Variants in FOCAD observed in about 807,000 individuals in gnomAD.
FOCAD encodes the protein focadhesin, also known as KIAA1797.
In FOCAD, 198 loss-of-function variants were observed where a neutral mutation model predicts 225.6. That is an observed-to-expected ratio of 0.88 (90% CI 0.78 to 0.99). The LOEUF (loss-of-function observed/expected upper bound fraction) is 0.99. Ranked by LOEUF, FOCAD falls within the 50% of genes least tolerant of loss-of-function variation. The probability of loss-of-function intolerance (pLI) is 0.00; values close to 1 mark genes in which losing one functional copy is unlikely to be tolerated. For synonymous variants in FOCAD, 897 were observed against 755.0 expected (o/e 1.19, Z -3.08); for missense variants, 2,713 against 2,123.6 (o/e 1.28, Z -5.46).
chr9:20,774,367 T>G (rs1241230329), intron 8 of FOCAD, among the ~76,000 whole-genome samples: 1 of 152,208 alleles, frequency 6.6e-6, no homozygotes, highest in Non-Finnish European at 1.5e-5. Context: ...ATGTTAGTAG[T>G]TGTTGGTACG....
At chr9:20,814,887 C>T (rs547126685) in intron 11 of FOCAD, among the ~76,000 whole-genome samples, 4 of 151,974 alleles carry the variant, frequency 2.6e-5, no homozygotes, top group South Asian at 4.1e-4. Context: ...TATACTTTTG[C>T]CTTCTAAACC....
chr9:20,819,260 C>T (rs888033627), intron 11 of FOCAD, among the ~76,000 whole-genome samples: 1 of 152,082 alleles, frequency 6.6e-6, no homozygotes, highest in Non-Finnish European at 1.5e-5. Context: ...GTCATCTAGG[C>T]TGGAGTGCAA....
At chr9:20,718,389 C>T (rs889740427) in intron 3 of FOCAD, among the ~76,000 whole-genome samples, 1 of 152,204 alleles carries the variant, frequency 6.6e-6, no homozygotes, top group African/African-American at 2.4e-5. Context: ...CTGAGATACA[C>T]TTGGGGTTTG....
intron 24 of FOCAD, 38 bp from the exon 25 acceptor site, chr9:20,923,622 C>T (rs370558358): frequency 4.5e-6 from 7 of 1,544,810 alleles, no homozygotes; most frequent in Non-Finnish European, 6.3e-6. Context: ...CTGGTTAATA[C>T]CAAAGTTCTC....
chr9:20,784,911 A>G (rs1444586926), intron 10 of FOCAD, among the ~76,000 whole-genome samples: 1 of 150,358 alleles, frequency 6.7e-6, no homozygotes, highest in Non-Finnish European at 1.5e-5. Flanking sequence ...ACTATGAAAT[A>G]GATGTCTTTT....
chr9:20,739,866 A>G (rs1827465841), intron 4 of FOCAD, among the ~76,000 whole-genome samples: 1 of 151,962 alleles, frequency 6.6e-6, no homozygotes, highest in African/African-American at 2.4e-5. Flanking sequence ...CATTTCATAT[A>G]TTTGGTTATT....
rs1343087073 is a variant in FOCAD at position 20,981,615 on chromosome 9, G to A, written c.4567G>A (p.Ala1523Thr). Residue 1523 changes from alanine (A) to threonine (T), a missense_variant, in exon 38 of 44, where the codon GCC (alanine) becomes ACC (threonine). Coordinates refer to ENST00000338382, the MANE Select transcript of FOCAD (RefSeq NM_001375567.1). ...LSQAMKLPSP[A>T]HHLWSLLSEA... ...CCAGGCCATGAAACTGCCCAGCCCTGCCCACCACCTCTGGAGTCTGCTCTC... is the reference window on the plus strand; with the variant it reads ...CCAGGCCATGAAACTGCCCAGCCCTACCCACCACCTCTGGAGTCTGCTCTC... 6.2e-7 allele frequency: 1 copy of A among 1,613,834 alleles called. No individual in the cohort carries two copies. The highest frequency in any genetic ancestry group is 8.5e-7 in the Non-Finnish European group (1 of 1,179,962).
At chr9:20,726,188 T>G (rs1372231634) in intron 4 of FOCAD, 1 of 152,234 alleles carries the variant, frequency 6.6e-6, no homozygotes, top group Non-Finnish European at 1.5e-5. Flanking sequence ...TTTTTGTCTT[T>G]ACATTGACTG....
intron 35 of FOCAD, among the ~76,000 whole-genome samples, chr9:20,967,034 G>C (rs1377700310): frequency 6.6e-6 from 1 of 151,826 alleles, no homozygotes; most frequent in Non-Finnish European, 1.5e-5. Context: ...ATGAATTTGA[G>C]GATTGACTTT....
At chr9:20,821,126 A>G in intron 14 of FOCAD, 55 bp downstream of exon 14, 1 of 1,511,942 alleles carries the variant, frequency 6.6e-7, no homozygotes. Context: ...TTTTGTATTT[A>G]ATTTTTTAAT....
intron 14 of FOCAD, 116 bp from the exon 15 acceptor site, chr9:20,822,873 C>A: frequency 8.0e-6 from 7 of 877,750 alleles, no homozygotes; most frequent in Non-Finnish European, 7.9e-6. Context: ...TGAGGGTCAC[C>A]ATTTAGTGGC....
chr9:20,961,330 T>C (rs1838708534), intron 35 of FOCAD, among the ~76,000 whole-genome samples: 1 of 152,166 alleles, frequency 6.6e-6, no homozygotes, highest in Admixed American at 6.5e-5. Context: ...ATTTGACCAA[T>C]AAGAACCTCT....
At chr9:20,728,279 C>A (rs1312017514) in intron 4 of FOCAD, among the ~76,000 whole-genome samples, 1 of 152,046 alleles carries the variant, frequency 6.6e-6, no homozygotes, top group Non-Finnish European at 1.5e-5. Context: ...GGGATATTTG[C>A]ATATATATAA....
At chr9:20,972,295 G>A (rs1421273183) in intron 35 of FOCAD, among the ~76,000 whole-genome samples, 2 of 152,040 alleles carry the variant, frequency 1.3e-5, no homozygotes, top group African/African-American at 4.8e-5. Context: ...TTTTTCTGGT[G>A]TTTTTGTTGC....
At chr9:20,714,092 A>G (rs1458172724) in intron 1 of FOCAD, among the ~76,000 whole-genome samples, 6 of 152,172 alleles carry the variant, frequency 3.9e-5, no homozygotes, top group Non-Finnish European at 8.8e-5. Context: ...CAGATTGAGT[A>G]TTCTTTATCT....
intron 12 of FOCAD, 80 bp downstream of exon 12, chr9:20,819,980 T>G: frequency 1.1e-6 from 1 of 888,974 alleles, no homozygotes; most frequent in Non-Finnish European, 1.7e-6. Context: ...ATTATGAAAT[T>G]TTAAGCCCTA....
chr9:20,661,751 C>G (rs1180837730), intron 2 of FOCAD, among the ~76,000 whole-genome samples: 1 of 152,056 alleles, frequency 6.6e-6, no homozygotes, highest in East Asian at 1.9e-4. Context: ...TCAGTAATAC[C>G]AGATTACAAA....
chr9:20,823,011 A>G lies in FOCAD; in HGVS notation c.1816A>G (p.Met606Val), dbSNP rs1341811238. ...KQRPYQHGADMLAAISQVLNE... is the reference protein window; with the variant it reads ...KQRPYQHGADVLAAISQVLNE... ...TAGGCCATATCAACATGGTGCAGAT[A>G]TGTTGGCAGCTATTTCTCAAGTGTT... The change falls in exon 15 of 44, where the codon ATG becomes GTG. Residue 606 changes from methionine to valine, a missense_variant. By Grantham distance (21) the Met-to-Val change is conservative. Transcript: ENST00000338382. 1.9e-6 allele frequency: 3 copies of G among 1,605,616 alleles called. No individual in the cohort carries two copies. The highest frequency in any genetic ancestry group is 1.7e-4 in the Middle Eastern group (1 of 6,030).
At chr9:20,839,391 T>A (rs973608569) in intron 15 of FOCAD, among the ~76,000 whole-genome samples, 4 of 151,982 alleles carry the variant, frequency 2.6e-5, no homozygotes, top group South Asian at 4.2e-4. Flanking sequence ...TCCAAGTAGC[T>A]GGGACTACAG....
Sources: allele counts gnomAD v4.1 joint callset (sites outside exome capture counted in the v4.1 genomes callset), GRCh38; gene constraint gnomAD v4.1.1; transcripts MANE v1.5; gene names NCBI Gene and HGNC (gene_info 2026-07-23, HGNC 2026-07-21).